TMPRSS15: variants seen among roughly 807,000 people sequenced by gnomAD.
The protein encoded by TMPRSS15 is enteropeptidase.
In TMPRSS15, 128 loss-of-function variants were observed where a neutral mutation model predicts 125.3. That is an observed-to-expected ratio of 1.02 (90% CI 0.89 to 1.18). The LOEUF is 1.18. Ranked by LOEUF, TMPRSS15 falls within the 50% of genes most tolerant of loss-of-function variation. TMPRSS15 has a pLI of 0.00. For synonymous variants in TMPRSS15, 446 were observed against 423.2 expected (o/e 1.05, Z -0.66); for missense variants, 1,283 against 1,212.7 (o/e 1.06, Z -0.86).
At chr21:18,437,129 A>G (rs1601462383) in intron 1 of TMPRSS15, among the ~76,000 whole-genome samples, 2 of 149,718 alleles carry the variant, frequency 1.3e-5, no homozygotes, top group African/African-American at 4.9e-5. Context: ...AAACAGAGAT[A>G]TAGATCAATG....
At chr21:18,355,343 G>A (rs1161997396) in intron 8 of TMPRSS15, among the ~76,000 whole-genome samples, 2 of 151,768 alleles carry the variant, frequency 1.3e-5, no homozygotes, top group Non-Finnish European at 3.0e-5. Context: ...TTCATAGTGT[G>A]TTGGATTCTC....
intron 1 of TMPRSS15, among the ~76,000 whole-genome samples, chr21:18,417,075 A>T (rs1423024472): frequency 1.3e-5 from 2 of 152,138 alleles, no homozygotes; most frequent in Non-Finnish European, 2.9e-5. Flanking sequence ...CAACTATAAT[A>T]AGAAAAAAAT....
At chr21:18,325,830 A>T (rs979715398) in intron 16 of TMPRSS15, among the ~76,000 whole-genome samples, 4 of 151,974 alleles carry the variant, frequency 2.6e-5, no homozygotes, top group Admixed American at 2.6e-4. Context: ...ACATATATCC[A>T]TATATATACA....
intron 21 of TMPRSS15, among the ~76,000 whole-genome samples, chr21:18,288,781 C>T (rs902519303): frequency 7.3e-5 from 11 of 151,258 alleles, no homozygotes; most frequent in African/African-American, 2.7e-4. Flanking sequence ...GAGCTCAGGC[C>T]CGCCTCGGCC....
At chr21:18,454,418 T>C (rs916201933) in intron 1 of TMPRSS15, among the ~76,000 whole-genome samples, 3 of 152,104 alleles carry the variant, frequency 2.0e-5, no homozygotes, top group Non-Finnish European at 4.4e-5. Context: ...ATAGGATATA[T>C]ATAGAGATAT....
chr21:18,356,492 T>G (rs2075626383), intron 8 of TMPRSS15, among the ~76,000 whole-genome samples: 1 of 151,740 alleles, frequency 6.6e-6, no homozygotes, highest in Admixed American at 6.6e-5. Context: ...TGGTGAGTTA[T>G]TAAAAATAAC....
chr21:18,403,447 C>T, intron 1 of TMPRSS15, 31 bp downstream of exon 1: 1 of 1,613,956 alleles, frequency 6.2e-7, no homozygotes, highest in African/African-American at 1.3e-5. Context: ...CAGCTGAGAG[C>T]ACCTTCACGA....
intron 6 of TMPRSS15, among the ~76,000 whole-genome samples, chr21:18,365,744 T>TTTTC (rs1569035927): frequency 1.7e-5 from 1 of 60,478 alleles, no homozygotes; most frequent in African/African-American, 7.7e-5. Flanking sequence ...TCTTTTTTCC[T>TTTTC]TTTTTTTTTT....
Position 18,328,244 on chromosome 21 carries a change from T to G in TMPRSS15, c.1780+925A>C, listed in dbSNP as rs553669887. ...AGAGTACACTCTCCCTAGCCTTATT[T>G]TAAAATAATCAATAAATAAAAAAGA... On this transcript the variant is annotated intron_variant, in intron 15 of 24. Coordinates refer to ENST00000284885, the MANE Select transcript of TMPRSS15 (RefSeq NM_002772.3). 2.6e-5 allele frequency among the ~76,000 whole-genome samples: 4 copies of G among 152,168 alleles called. No homozygotes were observed. The South Asian group carries it at 8.3e-4, about 32-fold the overall frequency.
At chr21:18,369,976 A>AAG (rs1448133335) in intron 6 of TMPRSS15, among the ~76,000 whole-genome samples, 1 of 150,678 alleles carries the variant, frequency 6.6e-6, no homozygotes, top group Non-Finnish European at 1.5e-5. Context: ...ACTTAAACGA[A>AAG]AAAAAAAAAA....
intron 3 of TMPRSS15, among the ~76,000 whole-genome samples, chr21:18,391,132 G>T (rs1156250871): frequency 6.6e-6 from 1 of 152,140 alleles, no homozygotes; most frequent in Non-Finnish European, 1.5e-5. Context: ...GGGACACAGA[G>T]CCAAACCATA....
chr21:18,375,601 G>A (rs1255237951), intron 5 of TMPRSS15, among the ~76,000 whole-genome samples: 1 of 152,130 alleles, frequency 6.6e-6, no homozygotes, highest in Non-Finnish European at 1.5e-5. Context: ...TATTAACTCA[G>A]TGGGAAAAAG....
chr21:18,337,256 A>G (rs968429116), intron 13 of TMPRSS15, among the ~76,000 whole-genome samples: 1 of 152,240 alleles, frequency 6.6e-6, no homozygotes, highest in African/African-American at 2.4e-5. Flanking sequence ...GGTGAAATAA[A>G]GAAAAACTGT....
At chr21:18,408,324 A>G (rs117683534), upstream of TMPRSS15, among the ~76,000 whole-genome samples, 631 of 152,298 alleles carry the variant, frequency 4.1e-3, 20 homozygotes, top group Admixed American at 0.031. Context: ...GAAAACCCAA[A>G]CAGCTTTCAC....
At chr21:18,390,657 T>C (rs2075983051) in intron 3 of TMPRSS15, among the ~76,000 whole-genome samples, 1 of 152,112 alleles carries the variant, frequency 6.6e-6, no homozygotes, top group Non-Finnish European at 1.5e-5. Flanking sequence ...AAGAAGTACC[T>C]AAACCAGACT....
chr21:18,341,633 A>G, intron 12 of TMPRSS15, 85 bp from the exon 13 acceptor site: 2 of 1,410,864 alleles, frequency 1.4e-6, no homozygotes, highest in Non-Finnish European at 2.0e-6. Context: ...CAAGAGATTC[A>G]ATATTGTCTA....
chr21:18,380,620 T>C (rs1457375714), intron 4 of TMPRSS15: 2 of 470,416 alleles, frequency 4.3e-6, no homozygotes, highest in Non-Finnish European at 4.4e-6. Flanking sequence ...CACATGAGTT[T>C]ATGATATAAA....
rs57962003 is a variant in TMPRSS15, at chr21:18,365,649, CCCTTCCTT to C, written c.665-409_665-402del. Reference sequence around the variant, plus strand: ...CTTTCTCTTTCTCTCTCTTTTTCCTCCCTTCCTTCCTTCCTTCCTTCCTTCCTTCCTTC... The same window carrying C: ...CTTTCTCTTTCTCTCTCTTTTTCCTCCCTTCCTTCCTTCCTTCCTTCCTTC... On this transcript the variant is annotated intron_variant, in intron 6 of 24. Transcript: ENST00000284885. Among the ~76,000 whole-genome samples the C allele has an allele frequency of 2.0e-3, 135 of 65,860 alleles. 1 individual carries two copies. The highest frequency in any genetic ancestry group is 6.6e-3 in the African/African-American group (96 of 14,476). The allele number at this position is 65,860 out of a possible 152,430, so 43.2% of individuals were successfully genotyped here. A position where few individuals can be genotyped will look rare whatever the true frequency, so the allele number is the denominator to read the frequency against.
Position 18,379,256 on chromosome 21 carries a change from A to T in TMPRSS15, c.532+27T>A, listed in dbSNP as rs1372815796. 4 of 1,211,330 alleles carry T rather than the reference A, an allele frequency of 3.3e-6. No homozygotes were observed. The South Asian group carries it at 8.0e-5, about 24-fold the overall frequency. 75.0% of individuals were successfully genotyped at this position (1,211,330 alleles called of 1,614,324 possible). A position where few individuals can be genotyped will look rare whatever the true frequency, so the allele number is the denominator to read the frequency against. ...TATAAGAGAAAACTTTCTTTCAAAAAATAATAATAATATTATTAAAACTGA... is the reference window on the plus strand; with the variant it reads ...TATAAGAGAAAACTTTCTTTCAAAATATAATAATAATATTATTAAAACTGA... On this transcript the variant is annotated intron_variant, in intron 5 of 24. Transcript: ENST00000284885.
Sources: allele counts gnomAD v4.1 joint callset (sites outside exome capture counted in the v4.1 genomes callset), GRCh38; gene constraint gnomAD v4.1.1; transcripts MANE v1.5; gene names NCBI Gene and HGNC (gene_info 2026-07-23, HGNC 2026-07-21).